Variants in HDAC9 observed in about 807,000 individuals in gnomAD.
The protein encoded by HDAC9 is MEF-2 interacting transcription repressor (MITR) protein.
HDAC9 carries 41 observed loss-of-function variants against 139.4 expected under a neutral mutation model. The observed-to-expected ratio is 0.29, with a 90% confidence interval of 0.23 to 0.38. The LOEUF is 0.38. Ranked by LOEUF, HDAC9 falls within the 10% of genes least tolerant of loss-of-function variation. The probability of loss-of-function intolerance (pLI) is 1.00; values close to 1 mark genes in which losing one functional copy is unlikely to be tolerated. For missense variants in HDAC9, 1,147 were observed against 1,297.0 expected, an observed-to-expected ratio of 0.88 and a Z score of 1.78; for synonymous variants, 517 against 476.2, an observed-to-expected ratio of 1.09 and a Z score of -1.12.
chr7:18,829,338 C>A (rs1323418567), intron 18 of HDAC9, 122 bp downstream of exon 18: 5 of 1,117,784 alleles, frequency 4.5e-6, no homozygotes, highest in Non-Finnish European at 6.8e-6. Context: ...GCGAGGTACT[C>A]CCAGAAGCAG....
chr7:18,227,858 C>T (rs547194379), intron 2 of HDAC9, among the ~76,000 whole-genome samples: 2 of 152,204 alleles, frequency 1.3e-5, no homozygotes, highest in African/African-American at 4.8e-5. Flanking sequence ...CCTGTTAGTG[C>T]CTATCGGATG....
chr7:18,089,882 A>G (rs1223257285), intron 1 of HDAC9, among the ~76,000 whole-genome samples: 1 of 151,958 alleles, frequency 6.6e-6, no homozygotes, highest in East Asian at 1.9e-4. Context: ...TTTTGTTATT[A>G]CATCCAAATG....
chr7:18,167,598 A>C (rs1369986643), intron 2 of HDAC9, among the ~76,000 whole-genome samples: 1 of 152,182 alleles, frequency 6.6e-6, no homozygotes, highest in East Asian at 1.9e-4. Context: ...ACAGCTTCTA[A>C]CTGGTTTGTG....
At chr7:18,237,297 A>T (rs1793886002) in intron 2 of HDAC9, among the ~76,000 whole-genome samples, 1 of 152,228 alleles carries the variant, frequency 6.6e-6, no homozygotes, top group Non-Finnish European at 1.5e-5. Flanking sequence ...GGAAATATCT[A>T]GTCACATGTA....
chr7:18,938,398 A>T (rs1781800110), intron 23 of HDAC9, among the ~76,000 whole-genome samples: 1 of 152,082 alleles, frequency 6.6e-6, no homozygotes, highest in Non-Finnish European at 1.5e-5. Flanking sequence ...GATCAAGACC[A>T]TCCTGGCTAA....
intron 2 of HDAC9, among the ~76,000 whole-genome samples, chr7:18,225,727 G>A (rs952684243): frequency 1.3e-5 from 2 of 151,970 alleles, no homozygotes; most frequent in Non-Finnish European, 2.9e-5. Flanking sequence ...TCTATTATAT[G>A]ATTTATATTT....
At chr7:18,227,924 T>C (rs1777443251) in intron 2 of HDAC9, among the ~76,000 whole-genome samples, 1 of 152,218 alleles carries the variant, frequency 6.6e-6, no homozygotes, top group Non-Finnish European at 1.5e-5. Context: ...ACACTTTTTA[T>C]TCATTTTCCC....
chr7:18,648,054 TC>T, intron 10 of HDAC9, 56 bp downstream of exon 10: 1 of 1,331,658 alleles, frequency 7.5e-7, no homozygotes, highest in Non-Finnish European at 1.0e-6. Flanking sequence ...TTATTAGTGA[TC>T]CAGGATAATG....
At chr7:18,639,420 T>G (rs1446885177) in intron 8 of HDAC9, among the ~76,000 whole-genome samples, 1 of 152,084 alleles carries the variant, frequency 6.6e-6, no homozygotes, top group East Asian at 1.9e-4. Context: ...TCAGTGCCTT[T>G]CAAATGCTAA....
chr7:18,640,039 G>A (rs1056962812), intron 8 of HDAC9, among the ~76,000 whole-genome samples: 3 of 151,900 alleles, frequency 2.0e-5, no homozygotes, highest in African/African-American at 7.3e-5. Flanking sequence ...GCATATTGTA[G>A]ATAATTTGGA....
At chr7:18,420,969 A>T (rs559046800) in intron 1 of HDAC9, among the ~76,000 whole-genome samples, 3 of 152,338 alleles carry the variant, frequency 2.0e-5, no homozygotes, top group Non-Finnish European at 4.4e-5. Context: ...CAGCTCATGC[A>T]AAGATATAGC....
intron 1 of HDAC9, among the ~76,000 whole-genome samples, chr7:18,464,126 C>CT (rs1475878422): frequency 6.6e-6 from 1 of 151,800 alleles, no homozygotes; most frequent in Non-Finnish European, 1.5e-5. Context: ...TCTAATAGTA[C>CT]TTTTTTATGG....
chr7:18,740,089 G>C (rs1226613112), intron 13 of HDAC9, among the ~76,000 whole-genome samples: 1 of 152,230 alleles, frequency 6.6e-6, no homozygotes, highest in South Asian at 2.1e-4. Flanking sequence ...GCACGGAAGA[G>C]AATCTCCTCG....
chr7:18,389,600 G>C (rs1562943355), intron 1 of HDAC9, among the ~76,000 whole-genome samples: 1 of 152,206 alleles, frequency 6.6e-6, no homozygotes, highest in East Asian at 1.9e-4. Flanking sequence ...AGGCTGGGTT[G>C]TATATGGTAG....
chr7:18,667,978 A>G, intron 12 of HDAC9: 19 of 970,836 alleles, frequency 2.0e-5, no homozygotes, highest in Non-Finnish European at 2.1e-5. Flanking sequence ...AAATATTTAT[A>G]TTTCTAAATC....
At chr7:18,821,611 T>C (rs1290214163) in intron 17 of HDAC9, among the ~76,000 whole-genome samples, 1 of 152,172 alleles carries the variant, frequency 6.6e-6, no homozygotes, top group African/African-American at 2.4e-5. Context: ...TCAGACACCA[T>C]ATGTATGTGT....
intron 12 of HDAC9, among the ~76,000 whole-genome samples, chr7:18,715,441 G>A (rs1362886325): frequency 2.0e-5 from 3 of 152,118 alleles, no homozygotes; most frequent in South Asian, 4.1e-4. Context: ...TGCTTTGGGA[G>A]GAAGGGTAAA....
At chr7:18,920,003 C>A in intron 22 of HDAC9, among the ~76,000 whole-genome samples, 1 of 151,970 alleles carries the variant, frequency 6.6e-6, no homozygotes, top group Non-Finnish European at 1.5e-5. Flanking sequence ...TCCATATGAA[C>A]TTTAACGTGG....
At chr7:18,440,299 C>T (rs1247931797) in intron 1 of HDAC9, among the ~76,000 whole-genome samples, 2 of 152,024 alleles carry the variant, frequency 1.3e-5, no homozygotes, top group East Asian at 3.9e-4. Context: ...ATTCTCCTGC[C>T]TCAGCCTCCC....
Sources: allele counts gnomAD v4.1 joint callset (sites outside exome capture counted in the v4.1 genomes callset), GRCh38; gene constraint gnomAD v4.1.1; transcripts MANE v1.5; gene names NCBI Gene and HGNC (gene_info 2026-07-23, HGNC 2026-07-21).